COL6A5: variants seen among roughly 807,000 people sequenced by gnomAD.
COL6A5 encodes collagen alpha-5(VI) chain.
COL6A5 carries 48 observed loss-of-function variants against 65.6 expected under a neutral mutation model. The observed-to-expected ratio is 0.73, with a 90% CI of 0.58 to 0.93. The LOEUF is 0.93. Among genes scored for constraint, COL6A5 ranks in the 40% least tolerant of loss-of-function variants. COL6A5 has a pLI of 0.00. For missense variants in COL6A5, 914 were observed against 928.3 expected (o/e 0.98, Z 0.20); for synonymous variants, 291 against 322.8 (o/e 0.90, Z 1.05).
At chr3:130,443,557 A>G (rs1709237553) in exon 4 of COL6A5, 3 of 1,601,984 alleles carry the variant, frequency 1.9e-6, no homozygotes, top group Non-Finnish European at 2.6e-6. Flanking sequence ...ATTCAAAATG[A>G]TGGTTTCCAG....
At chr3:130,433,889 G>A (rs536335660) in intron 1 of COL6A5, among the ~76,000 whole-genome samples, 1 of 148,410 alleles carries the variant, frequency 6.7e-6, no homozygotes, top group Admixed American at 6.7e-5. Flanking sequence ...TGTATCCCTT[G>A]TTTTTGGCAT....
intron 1 of COL6A5, among the ~76,000 whole-genome samples, chr3:130,436,362 C>A (rs919351068): frequency 1.3e-5 from 2 of 152,032 alleles, no homozygotes; most frequent in East Asian, 1.9e-4. Context: ...CTACATTATT[C>A]CAATCAGGAG....
At chr3:130,456,257 TTGTAAAAA>T (rs1229169022) in intron 5 of COL6A5, among the ~76,000 whole-genome samples, 2 of 152,082 alleles carry the variant, frequency 1.3e-5, no homozygotes, top group South Asian at 2.1e-4. Context: ...GCAATAACTT[TTGTAAAAA>T]TGTAATAATT....
At chr3:130,462,418 G>A (rs1021030607) in intron 5 of COL6A5, among the ~76,000 whole-genome samples, 2 of 152,066 alleles carry the variant, frequency 1.3e-5, no homozygotes, top group African/African-American at 4.8e-5. Context: ...TGCTTTTTTC[G>A]TGGAAGTCCT....
At chr3:130,368,336 A>G (rs917290202) in intron 1 of COL6A5, among the ~76,000 whole-genome samples, 6 of 152,176 alleles carry the variant, frequency 3.9e-5, no homozygotes, top group Non-Finnish European at 7.3e-5. Context: ...TGTGAGGTTT[A>G]ATGGGCACAA....
At chr3:130,362,326 ATT>A (rs374784717) in intron 1 of COL6A5, among the ~76,000 whole-genome samples, 81 of 4,516 alleles carry the variant, frequency 0.018, no homozygotes, top group Non-Finnish European at 0.027. Flanking sequence ...ATATATATAT[ATT>A]TTTTTTTTTT....
chr3:130,398,050 C>T (rs188562094), exon 10 of COL6A5: 84 of 1,550,646 alleles, frequency 5.4e-5, no homozygotes, highest in Admixed American at 2.0e-4. Flanking sequence ...TTTTTTCAGA[C>T]GGTCTCCAGA....
intron 1 of COL6A5, among the ~76,000 whole-genome samples, chr3:130,355,856 C>A (rs926807724): frequency 6.6e-6 from 1 of 151,806 alleles, no homozygotes; most frequent in Non-Finnish European, 1.5e-5. Flanking sequence ...CAGATCTGAT[C>A]AAAAAGCTGA....
intron 7 of COL6A5, among the ~76,000 whole-genome samples, chr3:130,472,827 G>GTATATATATATATATATA (rs1348903661): frequency 3.7e-3 from 65 of 17,714 alleles, no homozygotes; most frequent in East Asian, 5.7e-3. Context: ...ATATGTGTGT[G>GTATATATATATATATATA]TATACATATA....
chr3:130,426,318 A>G, intron 30 of COL6A5, 49 bp from the exon 31 acceptor site: 1 of 1,550,944 alleles, frequency 6.4e-7, no homozygotes, highest in Non-Finnish European at 8.7e-7. Flanking sequence ...GTTACTCAAA[A>G]GTCACTGTAC....
chr3:130,379,726 T>C, exon 4 of COL6A5: 1 of 1,551,442 alleles, frequency 6.4e-7, no homozygotes, highest in Non-Finnish European at 8.7e-7. Context: ...AAGAGACGGC[T>C]TCTCAGAGTC....
chr3:130,420,844 C>G (rs1937503863), intron 25 of COL6A5, among the ~76,000 whole-genome samples: 2 of 152,040 alleles, frequency 1.3e-5, no homozygotes, highest in Admixed American at 6.6e-5. Context: ...GAGTTTCTCA[C>G]CTGTGTTGTT....
At chr3:130,370,394 C>T (rs1292484915) in intron 1 of COL6A5, among the ~76,000 whole-genome samples, 1 of 152,070 alleles carries the variant, frequency 6.6e-6, no homozygotes, top group Non-Finnish European at 1.5e-5. Flanking sequence ...AGAGTGGCTT[C>T]CCCTGAATAA....
intron 5 of COL6A5, 79 bp from the exon 6 acceptor site, chr3:130,388,501 A>C (rs929324104): frequency 8.6e-7 from 1 of 1,156,818 alleles, no homozygotes; most frequent in Non-Finnish European, 1.2e-6. Context: ...TCATTAATGC[A>C]TTTGTTTCTG....
chr3:130,409,244 C>A, intron 17 of COL6A5, 82 bp from the exon 18 acceptor site: 1 of 990,096 alleles, frequency 1.0e-6, no homozygotes, highest in Admixed American at 2.9e-5. Flanking sequence ...TGATTAACCC[C>A]CCTACATACA....
exon 5 of COL6A5, chr3:130,385,095 T>C: frequency 6.4e-7 from 1 of 1,550,904 alleles, no homozygotes; most frequent in Non-Finnish European, 8.7e-7. Flanking sequence ...ATACTGCAAA[T>C]AATAAAAAAT....
At chr3:130,348,425 T>G (rs188896034) in intron 1 of COL6A5, among the ~76,000 whole-genome samples, 356 of 152,308 alleles carry the variant, frequency 2.3e-3, no homozygotes, top group African/African-American at 7.2e-3. Context: ...ATTCCAGCTT[T>G]ATCCATGTCC....
chr3:130,350,356 G>A (rs577224331), intron 1 of COL6A5, among the ~76,000 whole-genome samples: 49 of 152,312 alleles, frequency 3.2e-4, no homozygotes, highest in Non-Finnish European at 5.4e-4. Context: ...ATTAGGAAAA[G>A]AGGAAGTCAA....
exon 3 of COL6A5, chr3:130,440,489 C>G: frequency 6.2e-7 from 1 of 1,613,732 alleles, no homozygotes; most frequent in Non-Finnish European, 8.5e-7. Flanking sequence ...TTCCTTCCAA[C>G]AGCTAAATGG....
Sources: gnomAD v4.1 joint callset for allele counts (sites outside exome capture counted in the v4.1 genomes callset) on GRCh38, gnomAD v4.1.1 for gene constraint, MANE v1.5 for transcripts, NCBI Gene and HGNC (gene_info 2026-07-23, HGNC 2026-07-21) for gene names.